The following LMO3 variants were observed in gnomAD, a reference collection of about 807,000 sequenced individuals.
The protein encoded by LMO3 is LIM domain only 3.
A neutral mutation model predicts 15.8 loss-of-function variants in LMO3; 2 were observed. The ratio of observed to expected loss-of-function variants is 0.13; its 90% CI spans 0.05 to 0.40. LMO3 has a LOEUF of 0.40. LMO3 is among the 10% of genes least tolerant of loss of function. The pLI is 0.99. For synonymous variants in LMO3, 62 were observed against 63.8 expected, an observed-to-expected ratio of 0.97 and a Z score of 0.13; for missense variants, 86 against 182.2, an observed-to-expected ratio of 0.47 and a Z score of 3.04.
intron 1 of LMO3, chr12:16,601,983 A>C (rs1374664814): frequency 6.6e-6 from 1 of 152,206 alleles, no homozygotes; most frequent in African/African-American, 2.4e-5. Flanking sequence ...AGACATCATC[A>C]ATTCCAAATT....
At chr12:16,558,040 C>A (rs1942258457) in intron 3 of LMO3, among the ~76,000 whole-genome samples, 1 of 151,974 alleles carries the variant, frequency 6.6e-6, no homozygotes, top group South Asian at 2.1e-4. Context: ...GTCCATAAAG[C>A]TGAACTCAGA....
chr12:16,590,421 G>A (rs1943454733), intron 2 of LMO3, among the ~76,000 whole-genome samples: 1 of 151,778 alleles, frequency 6.6e-6, no homozygotes, highest in Non-Finnish European at 1.5e-5. Context: ...CATAACTAGA[G>A]CAAATATATT....
At chr12:16,563,300 C>T (rs1342965672) in intron 2 of LMO3, among the ~76,000 whole-genome samples, 3 of 152,172 alleles carry the variant, frequency 2.0e-5, no homozygotes, top group African/African-American at 7.2e-5. Context: ...TAGCTACATT[C>T]GAGTTCTCTT....
chr12:16,601,995 C>T (rs1943837550), intron 1 of LMO3: 1 of 152,126 alleles, frequency 6.6e-6, no homozygotes, highest in African/African-American at 2.4e-5. Flanking sequence ...TTCCAAATTC[C>T]CTCATTTTAC....
chr12:16,592,571 C>A (rs1345876379), intron 2 of LMO3, among the ~76,000 whole-genome samples: 2 of 151,954 alleles, frequency 1.3e-5, no homozygotes, highest in East Asian at 3.9e-4. Flanking sequence ...CCATCCACTT[C>A]CCTTACTCCT....
intron 2 of LMO3, among the ~76,000 whole-genome samples, chr12:16,583,098 G>A (rs111721760): frequency 6.7e-6 from 1 of 150,226 alleles, no homozygotes; most frequent in African/African-American, 2.4e-5. Flanking sequence ...ATCCAAGACA[G>A]TAGAAAGCTT....
chr12:16,601,027 C>T (rs1233642784), intron 1 of LMO3, among the ~76,000 whole-genome samples, 159 bp from the exon 2 acceptor site: 1 of 152,138 alleles, frequency 6.6e-6, no homozygotes, highest in East Asian at 1.9e-4. Context: ...AACAAAAAGT[C>T]TCAAACTTTA....
Position 16,559,814 on chromosome 12 carries a change from T to C in LMO3, c.332+599A>G, listed in dbSNP as rs61915330. 6.7e-6 allele frequency among the ~76,000 whole-genome samples: 1 copy of C among 149,092 alleles called. No homozygotes were observed. The highest frequency in any genetic ancestry group is 1.5e-5 in the Non-Finnish European group (1 of 67,336). On this transcript the variant is annotated intron_variant, in intron 3 of 3. Transcript: ENST00000537304. The surrounding 1 kb of genome is among the most constrained non-coding windows in gnomAD (Gnocchi z 4.1). ...ATAAAAAATGAAAAAAAAAAAAAAT[T>C]AGCCAGGCATGGGAGTGCACACCTG...
In LMO3 at chr12:16,552,483, T is replaced by C. The variant is rs530647508; in HGVS notation, c.333-1156A>G. On this transcript the variant is annotated intron_variant, in intron 3 of 3. Coordinates refer to ENST00000537304, the MANE Select transcript of LMO3 (RefSeq NM_018640.5). Reference sequence around the variant, plus strand: ...TGAGGAGCAGTTGGACTGATTTACATTTGCAAAGATTGGAATGCTAGACAA... The same window carrying C: ...TGAGGAGCAGTTGGACTGATTTACACTTGCAAAGATTGGAATGCTAGACAA... Among the ~76,000 whole-genome samples the C allele has an allele frequency of 2.0e-5, 3 of 152,148 alleles. No homozygotes were observed. The East Asian group carries it at 5.8e-4, about 29-fold the overall frequency.
At chr12:16,592,542 G>A (rs892756769) in intron 2 of LMO3, among the ~76,000 whole-genome samples, 1 of 151,916 alleles carries the variant, frequency 6.6e-6, no homozygotes, top group African/African-American at 2.4e-5. Context: ...ATACTTGCAT[G>A]AAGTTACAAC....
intron 3 of LMO3, among the ~76,000 whole-genome samples, chr12:16,554,914 G>A (rs571818592): frequency 6.6e-6 from 1 of 152,146 alleles, no homozygotes; most frequent in Non-Finnish European, 1.5e-5. Flanking sequence ...CGCCCGCCTC[G>A]GCCTCCCAAA....
At chr12:16,577,246 C>A (rs922817416) in intron 2 of LMO3, among the ~76,000 whole-genome samples, 1 of 152,128 alleles carries the variant, frequency 6.6e-6, no homozygotes, top group African/African-American at 2.4e-5. Flanking sequence ...TGCACCAACA[C>A]CCACCTGAAT....
At chr12:16,557,909 C>T (rs1029817726) in intron 3 of LMO3, among the ~76,000 whole-genome samples, 6 of 152,008 alleles carry the variant, frequency 3.9e-5, no homozygotes, top group Admixed American at 2.0e-4. Context: ...ATTCTTTCTA[C>T]TATTCTACAG....
rs971425296 is a variant in LMO3 at position 16,560,341 on chromosome 12, T to G, written c.332+72A>C. 3.9e-5 allele frequency: 57 copies of G among 1,479,420 alleles called. 1 individual carries two copies. The Middle Eastern group carries it at 5.3e-4, about 14-fold the overall frequency. The allele number at this position is 1,479,420 out of a possible 1,614,324, so 91.6% of individuals were successfully genotyped here. A position where few individuals can be genotyped will look rare whatever the true frequency, so the allele number is the denominator to read the frequency against. ...TTGCTTTAAATGTATGAATATAATT[T>G]CCACCTATTAAATAAATAGCCAGCA... is the stretch of plus-strand genomic sequence containing the variant. On this transcript the variant is annotated intron_variant, in intron 3 of 3. Coordinates refer to ENST00000537304, the MANE Select transcript of LMO3 (RefSeq NM_018640.5). This position sits in a 1 kb window ranked among gnomAD's most constrained non-coding sequence, Gnocchi z 5.0.
At chr12:16,554,579 T>TA (rs1285343568) in intron 3 of LMO3, among the ~76,000 whole-genome samples, 1 of 152,222 alleles carries the variant, frequency 6.6e-6, no homozygotes, top group East Asian at 1.9e-4. Flanking sequence ...ACCCTTAGTG[T>TA]ATCAAATGAC....
intron 1 of LMO3, chr12:16,605,710 G>A: frequency 3.4e-6 from 5 of 1,454,610 alleles, no homozygotes; most frequent in East Asian, 2.5e-5. Flanking sequence ...CGGGAGTCAG[G>A]GGTGTGGAAA....
intron 2 of LMO3, among the ~76,000 whole-genome samples, chr12:16,592,892 T>A (rs1485130838): frequency 6.6e-6 from 1 of 151,798 alleles, no homozygotes; most frequent in Admixed American, 6.6e-5. Context: ...AATAAACATC[T>A]CTGTTAGAAC....
rs149711833 is a variant in LMO3, at chr12:16,604,166, C to G, written c.-9+1900G>C. On this transcript the variant is annotated intron_variant, in intron 1 of 3. Transcript: ENST00000537304. The surrounding 1 kb of genome is among the most constrained non-coding windows in gnomAD (Gnocchi z 5.3). ...GCCCATCTTCATCCTCTTCCCAGCC[C>G]CCAACCCAGGTTGGAAAACTGGATT... is the stretch of plus-strand genomic sequence containing the variant. Among the ~76,000 whole-genome samples, 1 of 152,280 alleles carries G rather than the reference C, an allele frequency of 6.6e-6. No homozygotes were observed. Among genetic ancestry groups the G allele is most frequent in the Non-Finnish European group, 1.5e-5 (1 of 68,024 alleles).
At chr12:16,602,841 T>C (rs528784373) in intron 1 of LMO3, among the ~76,000 whole-genome samples, 2 of 152,334 alleles carry the variant, frequency 1.3e-5, no homozygotes, top group African/African-American at 2.4e-5. Flanking sequence ...TTTGATTTAC[T>C]CAGTGAAATT....
Sources: gnomAD v4.1 joint callset for allele counts (sites outside exome capture counted in the v4.1 genomes callset) on GRCh38, gnomAD v4.1.1 for gene constraint, Gnocchi (gnomAD v3.1) non-coding constraint, MANE v1.5 for transcripts, NCBI Gene and HGNC (gene_info 2026-07-23, HGNC 2026-07-21) for gene names.